WWOX: variants seen among roughly 807,000 people sequenced by gnomAD.
WWOX encodes WW domain-containing oxidoreductase.
A neutral mutation model predicts 46.2 loss-of-function variants in WWOX; 69 were observed. That is an observed-to-expected ratio of 1.49 (90% confidence interval 1.23 to 1.82). The LOEUF (loss-of-function observed/expected upper bound fraction) is 1.82. Ranked by LOEUF, WWOX falls within the 40% of genes most tolerant of loss-of-function variation. The probability of loss-of-function intolerance (pLI) is 0.00; values close to 1 mark genes in which losing one functional copy is unlikely to be tolerated. For missense variants in WWOX, 919 were observed against 542.6 expected, an observed-to-expected ratio of 1.69 and a Z score of -6.89; for synonymous variants, 359 against 202.6, an observed-to-expected ratio of 1.77 and a Z score of -6.56.
At chr16:78,881,979 A>C (rs924453272) in intron 8 of WWOX, among the ~76,000 whole-genome samples, 10 of 152,056 alleles carry the variant, frequency 6.6e-5, no homozygotes, top group African/African-American at 2.4e-4. Context: ...TACAAAAATT[A>C]GGTGGGTGTG....
intron 8 of WWOX, among the ~76,000 whole-genome samples, chr16:79,100,870 A>C (rs1479472406): frequency 6.6e-6 from 1 of 151,972 alleles, no homozygotes; most frequent in Non-Finnish European, 1.5e-5. Flanking sequence ...ATGTATTAAC[A>C]AGATGTCCAC....
intron 8 of WWOX, among the ~76,000 whole-genome samples, chr16:79,114,032 A>G (rs866957907): frequency 4.6e-5 from 7 of 152,178 alleles, no homozygotes; most frequent in African/African-American, 1.7e-4. Context: ...TGACAGCCCC[A>G]GGTGCTGGCC....
At chr16:79,043,651 CATG>C (rs1352876331) in intron 8 of WWOX, among the ~76,000 whole-genome samples, 1 of 152,156 alleles carries the variant, frequency 6.6e-6, no homozygotes, top group Non-Finnish European at 1.5e-5. Flanking sequence ...TAATTTGAGA[CATG>C]ATGATTTTTG....
At chr16:78,323,517 C>T (rs1029717142) in intron 5 of WWOX, among the ~76,000 whole-genome samples, 2 of 152,092 alleles carry the variant, frequency 1.3e-5, no homozygotes, top group Non-Finnish European at 2.9e-5. Flanking sequence ...TCTTTGAGCT[C>T]TATTTAAACT....
At chr16:78,854,532 A>G (rs555452913) in intron 8 of WWOX, among the ~76,000 whole-genome samples, 50 of 152,330 alleles carry the variant, frequency 3.3e-4, no homozygotes, top group African/African-American at 1.2e-3. Context: ...TGGAACATAA[A>G]AATTCCTCTA....
At chr16:79,184,048 A>G (rs559159849) in intron 8 of WWOX, among the ~76,000 whole-genome samples, 5 of 152,286 alleles carry the variant, frequency 3.3e-5, no homozygotes, top group Non-Finnish European at 4.4e-5. Flanking sequence ...CTTTTGCTGG[A>G]GGAGGCAAGC....
rs370607607 is a variant in WWOX, at chr16:78,446,208, A to C, written c.1056+13456A>C. ...AATGGTGAAGAAATACATACATCAT[A>C]CTTGAGACCATGTTCCAGAGAGTAT... On this transcript the variant is annotated intron_variant, in intron 8 of 8. Coordinates refer to ENST00000566780, the MANE Select transcript of WWOX (RefSeq NM_016373.4). Among the ~76,000 whole-genome samples, 18 of 152,328 alleles carry C rather than the reference A, an allele frequency of 1.2e-4. 1 individual carries two copies. The East Asian group carries it at 3.5e-3, about 29-fold the overall frequency.
intron 8 of WWOX, among the ~76,000 whole-genome samples, chr16:78,841,893 G>T (rs952909687): frequency 6.6e-6 from 1 of 152,132 alleles, no homozygotes; most frequent in African/African-American, 2.4e-5. Context: ...CTTTTGAAAC[G>T]AGGGTCTCGA....
chr16:78,508,498 AG>A, intron 8 of WWOX, among the ~76,000 whole-genome samples: 1 of 152,144 alleles, frequency 6.6e-6, no homozygotes, highest in Non-Finnish European at 1.5e-5. Flanking sequence ...TCTGCAGAAC[AG>A]GGTTGGCCAG....
intron 8 of WWOX, among the ~76,000 whole-genome samples, chr16:78,648,193 A>G (rs931872021): frequency 6.6e-6 from 1 of 152,140 alleles, no homozygotes; most frequent in Non-Finnish European, 1.5e-5. Context: ...TTTCTTTAGG[A>G]CGTCAAACCA....
intron 8 of WWOX, among the ~76,000 whole-genome samples, chr16:79,049,881 T>C (rs1360606766): frequency 7.0e-6 from 1 of 143,388 alleles, no homozygotes; most frequent in African/African-American, 2.6e-5. Flanking sequence ...ATATGAAGAG[T>C]GAGCAGTACC....
At position 79,045,007 on chromosome 16, in the gene WWOX, A is replaced by C. The variant is rs74755640; in HGVS notation, c.1057-166601A>C. ...CTGCTCAATAAAGGGTAGATGTTAA[A>C]ATTAGCATCAGCGAGCTCTAGAAGA... On this transcript the variant is annotated intron_variant, in intron 8 of 8. Transcript: ENST00000566780. Among the ~76,000 whole-genome samples the C allele has an allele frequency of 3.1e-3, 469 of 152,362 alleles. 3 individuals are homozygous for C. Among genetic ancestry groups the C allele is most frequent in the African/African-American group, 0.011 (445 of 41,588 alleles).
At chr16:78,965,919 G>C (rs987127655) in intron 8 of WWOX, among the ~76,000 whole-genome samples, 1 of 152,158 alleles carries the variant, frequency 6.6e-6, no homozygotes, top group Non-Finnish European at 1.5e-5. Flanking sequence ...GGACGAAATG[G>C]GTGATCTAAT....
At chr16:78,248,569 CT>C (rs1241259145) in intron 5 of WWOX, among the ~76,000 whole-genome samples, 1 of 152,056 alleles carries the variant, frequency 6.6e-6, no homozygotes, top group Non-Finnish European at 1.5e-5. Flanking sequence ...AAACTCATCT[CT>C]ACTAAAATAC....
At chr16:78,922,871 C>T (rs901760546) in intron 8 of WWOX, among the ~76,000 whole-genome samples, 6 of 152,014 alleles carry the variant, frequency 3.9e-5, no homozygotes, top group Non-Finnish European at 8.8e-5. Flanking sequence ...TCAATAAGGG[C>T]TTATTAATCA....
intron 8 of WWOX, among the ~76,000 whole-genome samples, chr16:78,935,843 T>C (rs1386555265): frequency 6.6e-6 from 1 of 151,904 alleles, no homozygotes; most frequent in African/African-American, 2.4e-5. Context: ...GCTCAGGTGG[T>C]AGAGGCTGCA....
At chr16:78,700,314 GA>G (rs2048186034) in intron 8 of WWOX, among the ~76,000 whole-genome samples, 2 of 7,912 alleles carry the variant, frequency 2.5e-4, no homozygotes, top group South Asian at 0.016. Flanking sequence ...TTAGTAGACA[GA>G]GAGAGAGAGA....
chr16:79,195,906 T>C (rs1238882077), intron 8 of WWOX, among the ~76,000 whole-genome samples: 1 of 152,236 alleles, frequency 6.6e-6, no homozygotes, highest in Non-Finnish European at 1.5e-5. Flanking sequence ...TTTTCTTATT[T>C]GGAGATGCTG....
At chr16:78,564,988 A>T (rs548555353) in intron 8 of WWOX, among the ~76,000 whole-genome samples, 1 of 152,316 alleles carries the variant, frequency 6.6e-6, no homozygotes, top group Admixed American at 6.5e-5. Context: ...ACATCAAAGG[A>T]TACACTACAC....
Sources: allele counts gnomAD v4.1 joint callset (sites outside exome capture counted in the v4.1 genomes callset), GRCh38; gene constraint gnomAD v4.1.1; transcripts MANE v1.5; gene names NCBI Gene and HGNC (gene_info 2026-07-23, HGNC 2026-07-21).